The following GNL3L variants were observed in gnomAD, a reference collection of about 807,000 sequenced individuals.
GNL3L encodes guanine nucleotide-binding protein-like 3-like protein.
GNL3L carries 4 observed loss-of-function variants against 42.9 expected under a neutral mutation model. That is an observed-to-expected ratio of 0.09 (90% confidence interval 0.05 to 0.21). The LOEUF is 0.21. GNL3L is among the 10% of genes least tolerant of loss of function. GNL3L has a pLI of 1.00. For missense variants in GNL3L, 412 were observed against 481.7 expected (o/e 0.86, Z 1.36); for synonymous variants, 159 against 176.3 (o/e 0.90, Z 0.78).
chrX:54,614,042 G>T (rs1009379021), intron 16 of GNL3L, among the ~76,000 whole-genome samples: 3 of 110,670 alleles, frequency 2.7e-5, no homozygotes, highest in African/African-American at 9.9e-5. Flanking sequence ...AAGACCATCA[G>T]GTGGGAGTGG....
Position 54,564,731 on chromosome X carries a change from CTTTT to C in GNL3L, c.*4146_*4149del, listed in dbSNP as rs781526946. ...TTTTTCTTTGTTCTTATATTTTTGT[CTTTT>C]TTTTTTTTTTTTTTTTGAAACAGAG... is the stretch of plus-strand genomic sequence containing the variant. On this transcript the variant is annotated 3_prime_UTR_variant, in exon 16 of 16. Transcript: ENST00000360845. Among the ~76,000 whole-genome samples, 1 of 71,894 alleles carries C rather than the reference CTTTT, an allele frequency of 1.4e-5. No individual in the cohort carries two copies. The allele number at this position is 71,894 out of a possible 115,157, so 62.4% of individuals were successfully genotyped here. A position where few individuals can be genotyped will look rare whatever the true frequency, so the allele number is the denominator to read the frequency against.
chrX:54,570,399 T>A (rs1162348478), downstream of GNL3L, among the ~76,000 whole-genome samples: 1 of 111,969 alleles, frequency 8.9e-6, no homozygotes, highest in African/African-American at 3.2e-5. Flanking sequence ...ATGGTATATC[T>A]TTTTCATCCT....
chrX:54,643,697 T>C, the GNL3L span, among the ~76,000 whole-genome samples: 5 of 111,317 alleles, frequency 4.5e-5, no homozygotes, highest in Admixed American at 9.6e-5. Context: ...CCTATGGTGC[T>C]ACCAAACACT....
intron 13 of GNL3L, among the ~76,000 whole-genome samples, chrX:54,553,077 C>T (rs775432919): frequency 1.8e-5 from 2 of 112,008 alleles, no homozygotes; most frequent in Admixed American, 9.5e-5. Flanking sequence ...TAAGTCCACC[C>T]GATAAGGTAG....
At chrX:54,536,047 C>T (rs1460390792) in intron 2 of GNL3L, among the ~76,000 whole-genome samples, 3 of 111,202 alleles carry the variant, frequency 2.7e-5, no homozygotes, top group African/African-American at 9.8e-5. Flanking sequence ...CCTGCCTCAG[C>T]CTCTCGAGTA....
At position 54,578,004 on chromosome X, in the gene GNL3L, A is replaced by G. The variant is rs1218012042; in HGVS notation, c.*45+17357A>G. Among the ~76,000 whole-genome samples, 4 of 111,415 alleles carry G rather than the reference A, an allele frequency of 3.6e-5. No homozygotes were observed. The South Asian group carries it at 1.1e-3, about 31-fold the overall frequency. ...GCAATCTGCCTGCCTCGGCCTCCCA[A>G]AGTGCCAGGATTACAGGTGTGAGCC... On this transcript the variant is annotated intron_variant, in intron 16 of 16. Coordinates refer to the GNL3L transcript ENST00000674498.
downstream of GNL3L, among the ~76,000 whole-genome samples, chrX:54,624,963 T>C (rs1926338379): frequency 8.9e-6 from 1 of 111,780 alleles, no homozygotes; most frequent in Admixed American, 9.5e-5. Flanking sequence ...AAACCAGTCA[T>C]ATTGAATTAG....
intron 16 of GNL3L, among the ~76,000 whole-genome samples, chrX:54,590,793 GATTTATTTATTT>G (rs752558764): frequency 1.1e-3 from 119 of 109,776 alleles, no homozygotes; most frequent in African/African-American, 3.7e-3. Flanking sequence ...TTAGGTCTTA[GATTTATTTATTT>G]ATTTATTTAT....
At chrX:54,604,868 G>A (rs1926042185) in intron 16 of GNL3L, among the ~76,000 whole-genome samples, 1 of 111,825 alleles carries the variant, frequency 8.9e-6, no homozygotes. Flanking sequence ...GTTACTTGGA[G>A]AATTAAACGG....
At position 54,564,363 on chromosome X, in the gene GNL3L, A is replaced by T. The variant is rs1925355700; in HGVS notation, c.*3761A>T. On this transcript the variant is annotated 3_prime_UTR_variant, in exon 16 of 16. Coordinates refer to ENST00000360845, the MANE Select transcript of GNL3L (RefSeq NM_001184819.2). The stretch of plus-strand genomic sequence containing the variant: ...TTTGTAGTCAAAACCAGTCCCCTAC[A>T]CCCAAACCCTGGCAGTCACTGGTTT... Among the ~76,000 whole-genome samples the T allele has an allele frequency of 1.0e-5, 1 of 99,077 alleles. No homozygotes were observed. The highest frequency in any genetic ancestry group is 3.8e-5 in the African/African-American group (1 of 26,403). 86.0% of individuals were successfully genotyped at this position (99,077 alleles called of 115,157 possible).
At chrX:54,558,844 A>T (rs1293137137) in intron 15 of GNL3L, among the ~76,000 whole-genome samples, 189 bp downstream of exon 15, 4 of 111,271 alleles carry the variant, frequency 3.6e-5, no homozygotes, top group African/African-American at 1.3e-4. Flanking sequence ...TTTAGTAGAG[A>T]CGATGTTTCG....
At chrX:54,586,963 A>C (rs911220045) in intron 16 of GNL3L, among the ~76,000 whole-genome samples, 2 of 111,674 alleles carry the variant, frequency 1.8e-5, no homozygotes, top group Admixed American at 1.9e-4. Flanking sequence ...AAGGCCAACC[A>C]ACCCATCACA....
intron 2 of GNL3L, among the ~76,000 whole-genome samples, chrX:54,537,026 CTTTTT>C (rs747450203): frequency 1.2e-5 from 1 of 85,894 alleles, no homozygotes. Flanking sequence ...GGTTGTTAAT[CTTTTT>C]TTTTTTTTTT....
intron 16 of GNL3L, among the ~76,000 whole-genome samples, chrX:54,618,132 T>G (rs780915785): frequency 2.7e-5 from 3 of 111,821 alleles, no homozygotes; most frequent in Non-Finnish European, 5.6e-5. Flanking sequence ...ATCATCTGTA[T>G]GCTGATGGCT....
chrX:54,536,984 T>C (rs1445298164), intron 2 of GNL3L, among the ~76,000 whole-genome samples: 1 of 109,785 alleles, frequency 9.1e-6, no homozygotes, highest in African/African-American at 3.3e-5. Flanking sequence ...GTTCAGAAAT[T>C]TCATCAGGAT....
At chrX:54,600,388 A>C (rs987987974) in intron 16 of GNL3L, among the ~76,000 whole-genome samples, 1 of 107,017 alleles carries the variant, frequency 9.3e-6, no homozygotes, top group Non-Finnish European at 1.9e-5. Context: ...CACCATGCCC[A>C]GCTAATTTTG....
intron 16 of GNL3L, among the ~76,000 whole-genome samples, chrX:54,581,054 T>C (rs1053577022): frequency 8.9e-6 from 1 of 111,834 alleles, no homozygotes; most frequent in Non-Finnish European, 1.9e-5. Context: ...GTGCTGGGAT[T>C]ACAGGTATAA....
chrX:54,574,231 C>T (rs1447356992), intron 16 of GNL3L, among the ~76,000 whole-genome samples: 1 of 111,453 alleles, frequency 9.0e-6, no homozygotes, highest in African/African-American at 3.3e-5. Flanking sequence ...AGGAAAATAC[C>T]GAGTCTCTTA....
downstream of GNL3L, among the ~76,000 whole-genome samples, chrX:54,568,901 T>C (rs1035364591): frequency 1.3e-4 from 15 of 112,420 alleles, no homozygotes; most frequent in African/African-American, 4.8e-4. Flanking sequence ...CCAATCCTTA[T>C]ATCTTCTCTG....
Sources: allele counts gnomAD v4.1 joint callset (sites outside exome capture counted in the v4.1 genomes callset), GRCh38; gene constraint gnomAD v4.1.1; transcripts MANE v1.5; gene names NCBI Gene and HGNC (gene_info 2026-07-23, HGNC 2026-07-21).